TNFSF13B: variants seen among roughly 807,000 people sequenced by gnomAD.
TNFSF13B encodes tumor necrosis factor ligand superfamily member 13B.
In TNFSF13B, 8 loss-of-function variants were observed where a neutral mutation model predicts 29.1. That is an observed-to-expected ratio of 0.27 (90% CI 0.16 to 0.50). TNFSF13B has a LOEUF of 0.50. Among genes scored for constraint, TNFSF13B ranks in the 20% least tolerant of loss-of-function variants. The pLI, the probability that TNFSF13B is intolerant of heterozygous loss-of-function variation, is 0.98. For missense variants in TNFSF13B, 248 were observed against 334.9 expected (o/e 0.74, Z 2.03); for synonymous variants, 125 against 130.8 (o/e 0.96, Z 0.30).
At chr13:108,294,515 A>T (rs1480662441) in intron 3 of TNFSF13B, among the ~76,000 whole-genome samples, 2 of 152,110 alleles carry the variant, frequency 1.3e-5, no homozygotes, top group Non-Finnish European at 2.9e-5. Context: ...GATATCTGCA[A>T]ATAGAGATCG....
chr13:108,279,774 G>A (rs1208896481), intron 2 of TNFSF13B, among the ~76,000 whole-genome samples: 3 of 152,152 alleles, frequency 2.0e-5, no homozygotes, highest in African/African-American at 7.2e-5. Flanking sequence ...GTAGGGATTC[G>A]AATTTAGGCT....
intron 2 of TNFSF13B, among the ~76,000 whole-genome samples, chr13:108,279,835 C>A (rs1004928146): frequency 6.6e-6 from 1 of 152,132 alleles, no homozygotes; most frequent in African/African-American, 2.4e-5. Context: ...CCCAACATCA[C>A]CCTCTGCATA....
At chr13:108,293,826 C>T (rs1474677644) in intron 3 of TNFSF13B, among the ~76,000 whole-genome samples, 4 of 152,180 alleles carry the variant, frequency 2.6e-5, no homozygotes, top group African/African-American at 9.7e-5. Context: ...GTGGTCTTTT[C>T]ATTGTGTTTT....
At chr13:108,306,653 A>C (rs1160441604) in intron 5 of TNFSF13B, among the ~76,000 whole-genome samples, 173 bp from the exon 6 acceptor site, 1 of 151,722 alleles carries the variant, frequency 6.6e-6, no homozygotes, top group Non-Finnish European at 1.5e-5. Context: ...ATTTCTTCTA[A>C]ATTTTTTTTT....
intron 2 of TNFSF13B, among the ~76,000 whole-genome samples, chr13:108,282,280 A>G (rs1005760665): frequency 3.3e-5 from 5 of 152,212 alleles, no homozygotes; most frequent in African/African-American, 1.2e-4. Flanking sequence ...TGGGAGACAC[A>G]TATAATCTGC....
intron 2 of TNFSF13B, among the ~76,000 whole-genome samples, chr13:108,278,330 A>C (rs1471442748): frequency 1.3e-5 from 2 of 152,096 alleles, no homozygotes; most frequent in Non-Finnish European, 2.9e-5. Context: ...AGTGGTCAAG[A>C]GAGCTGAAGT....
At chr13:108,291,452 T>A (rs1480367141) in intron 3 of TNFSF13B, among the ~76,000 whole-genome samples, 1 of 151,894 alleles carries the variant, frequency 6.6e-6, no homozygotes, top group African/African-American at 2.4e-5. Context: ...TATTTCTTAT[T>A]AATATCATTA....
intron 3 of TNFSF13B, among the ~76,000 whole-genome samples, chr13:108,301,008 G>A (rs1881607543): frequency 6.6e-6 from 1 of 152,122 alleles, no homozygotes; most frequent in Non-Finnish European, 1.5e-5. Context: ...AATGTAATTT[G>A]CTTGGTTATC....
chr13:108,302,939 C>G (rs1881666827), intron 3 of TNFSF13B: 1 of 776,240 alleles, frequency 1.3e-6, no homozygotes, highest in African/African-American at 1.9e-5. Flanking sequence ...TTCAAACTCT[C>G]TTATCCAGAT....
Position 108,306,003 on chromosome 13 carries a change from T to A in TNFSF13B, c.746-823T>A, listed in dbSNP as rs147757923. On this transcript the variant is annotated intron_variant, in intron 5 of 5. Transcript: ENST00000375887. ...ATGACAGTTTTAATGTTTGTTAGTT[T>A]CTTTATTTCTTCTCTTCCCCCATTT... 6.7e-3 allele frequency among the ~76,000 whole-genome samples: 1,016 copies of A among 152,288 alleles called. 14 individuals carry two copies. The highest frequency in any genetic ancestry group is 0.023 in the African/African-American group (957 of 41,574).
At position 108,307,747 on chromosome 13, in the gene TNFSF13B, C is replaced by G. The variant is rs1340563324; in HGVS notation, c.*809C>G. ...AATAACTAGAATTGTGCATATATAA[C>G]ACATAATCTCCAACAGAAGTTACTG... is the stretch of plus-strand genomic sequence containing the variant. On this transcript the variant is annotated 3_prime_UTR_variant, in exon 6 of 6. Transcript: ENST00000375887. The G allele has an allele frequency of 2.0e-5, 3 of 151,972 alleles. No individual in the cohort carries two copies. Among genetic ancestry groups the G allele is most frequent in the African/African-American group, 7.2e-5 (3 of 41,414 alleles). 9.4% of individuals were successfully genotyped at this position (151,972 alleles called of 1,614,324 possible).
At chr13:108,271,872 A>G (rs1029803639) in intron 2 of TNFSF13B, among the ~76,000 whole-genome samples, 2 of 152,112 alleles carry the variant, frequency 1.3e-5, no homozygotes, top group African/African-American at 4.8e-5. Context: ...CTTTGCTATA[A>G]TACAACATGC....
Position 108,307,021 on chromosome 13 carries a change from A to G in TNFSF13B, c.*83A>G, listed in dbSNP as rs1368301079. On this transcript the variant is annotated 3_prime_UTR_variant, in exon 6 of 6. Transcript: ENST00000375887. ...AAGAATCTAACTGAAAATACCAAAA[A>G]AAAAAAAAAAAAAAAAAAAAAAAAA... The G allele has an allele frequency of 8.4e-6, 2 of 239,246 alleles. No homozygotes were observed. The highest frequency in any genetic ancestry group is 2.1e-4 in the East Asian group (2 of 9,554). 14.8% of individuals were successfully genotyped at this position (239,246 alleles called of 1,614,324 possible). A position where few individuals can be genotyped will look rare whatever the true frequency, so the allele number is the denominator to read the frequency against.
intron 3 of TNFSF13B, among the ~76,000 whole-genome samples, chr13:108,290,528 T>G (rs546129399): frequency 6.6e-6 from 1 of 152,288 alleles, no homozygotes; most frequent in African/African-American, 2.4e-5. Context: ...TTTTGTATGT[T>G]TTAAGAACCA....
At chr13:108,301,738 T>A (rs567030476) in intron 3 of TNFSF13B, among the ~76,000 whole-genome samples, 1 of 152,270 alleles carries the variant, frequency 6.6e-6, no homozygotes, top group South Asian at 2.1e-4. Flanking sequence ...ACATGGTGAC[T>A]ACAGTTAATG....
chr13:108,303,198 G>A, intron 3 of TNFSF13B, 55 bp from the exon 4 acceptor site: 2 of 1,176,078 alleles, frequency 1.7e-6, no homozygotes, highest in Non-Finnish European at 2.5e-6. Flanking sequence ...ACTAAATGGA[G>A]GTGAAAACTG....
chr13:108,299,567 G>C (rs1881554399), intron 3 of TNFSF13B, among the ~76,000 whole-genome samples: 1 of 151,772 alleles, frequency 6.6e-6, no homozygotes, highest in Non-Finnish European at 1.5e-5. Flanking sequence ...TTGTTGGCCT[G>C]GTAGAGATGA....
At position 108,303,362 on chromosome 13, in the gene TNFSF13B, T is replaced by A; in HGVS notation, c.591T>A (p.Gly197=). The change falls in exon 4 of 6, where the codon GGT becomes GGA. Residue 197 remains glycine (G), a synonymous_variant. Coordinates refer to ENST00000375887, the MANE Select transcript of TNFSF13B (RefSeq NM_006573.5). ...VKETGYFFIY[G]QVLYTDKTYA... The stretch of plus-strand genomic sequence containing the variant: ...AAACTGGTTACTTTTTTATATATGG[T>A]CAGGTAGGTTGAAACCCTAATTCTG... 1 of 1,611,938 alleles carries A rather than the reference T, an allele frequency of 6.2e-7. No homozygotes were observed. Among genetic ancestry groups the A allele is most frequent in the Non-Finnish European group, 8.5e-7 (1 of 1,178,650 alleles).
rs192469529 is a variant in TNFSF13B, at chr13:108,271,512, A to G, written c.424+1088A>G. 5.1e-4 allele frequency among the ~76,000 whole-genome samples: 77 copies of G among 151,476 alleles called. 1 individual carries two copies. Among genetic ancestry groups the G allele is most frequent in the African/African-American group, 1.8e-3 (74 of 41,362 alleles). ...CACGCATGAGGTACCCTGACTATAA[A>G]CTTATTTTTTGACTATATGCTTTAT... On this transcript the variant is annotated intron_variant, in intron 2 of 5. Coordinates refer to ENST00000375887, the MANE Select transcript of TNFSF13B (RefSeq NM_006573.5).
Sources: gnomAD v4.1 joint callset for allele counts (sites outside exome capture counted in the v4.1 genomes callset) on GRCh38, gnomAD v4.1.1 for gene constraint, MANE v1.5 for transcripts, NCBI Gene and HGNC (gene_info 2026-07-23, HGNC 2026-07-21) for gene names.